Variants in LINGO2 observed in about 807,000 individuals in gnomAD.
LINGO2 encodes the protein leucine-rich repeat and immunoglobulin-like domain-containing nogo receptor-interacting protein 2.
Under a neutral mutation model 30.6 loss-of-function variants are expected in LINGO2, and 14 were observed. The ratio of observed to expected loss-of-function variants is 0.46; its 90% CI spans 0.30 to 0.72. LINGO2 has a LOEUF of 0.72. Ranked by LOEUF, LINGO2 falls within the 30% of genes least tolerant of loss-of-function variation. The pLI is 0.07. For missense variants in LINGO2, 729 were observed against 751.7 expected (o/e 0.97, Z 0.35); for synonymous variants, 317 against 288.5 (o/e 1.10, Z -1.00).
chr9:29,022,155 G>A, the LINGO2 span, among the ~76,000 whole-genome samples: 14 of 152,058 alleles, frequency 9.2e-5, no homozygotes, highest in African/African-American at 3.1e-4. Flanking sequence ...AAACCCTATC[G>A]ATTTTCTCCT....
At chr9:28,644,022 G>A (rs947173469) in intron 1 of LINGO2, among the ~76,000 whole-genome samples, 4 of 151,962 alleles carry the variant, frequency 2.6e-5, no homozygotes, top group African/African-American at 9.7e-5. Context: ...ATATCCAAAA[G>A]ATAGGCAATA....
At chr9:28,787,884 T>G in the LINGO2 span, among the ~76,000 whole-genome samples, 1 of 152,194 alleles carries the variant, frequency 6.6e-6, no homozygotes, top group African/African-American at 2.4e-5. Flanking sequence ...TCATTCTTGA[T>G]TCTTCAACAC....
At chr9:28,443,571 G>A (rs1824285306) in intron 2 of LINGO2, among the ~76,000 whole-genome samples, 1 of 152,226 alleles carries the variant, frequency 6.6e-6, no homozygotes, top group Non-Finnish European at 1.5e-5. Context: ...TCCAGTGGCT[G>A]CTCCAATGTG....
At chr9:28,380,147 GT>G (rs2134623549) in intron 2 of LINGO2, among the ~76,000 whole-genome samples, 1 of 152,134 alleles carries the variant, frequency 6.6e-6, no homozygotes, top group African/African-American at 2.4e-5. Flanking sequence ...TACAGGAAAA[GT>G]TTGACTCCTG....
intron 5 of LINGO2, among the ~76,000 whole-genome samples, chr9:27,992,852 C>A (rs781257283): frequency 2.1e-4 from 32 of 152,090 alleles, no homozygotes; most frequent in Non-Finnish European, 4.0e-4. Flanking sequence ...TCTTACCAAA[C>A]TAATAGGAGA....
chr9:28,441,775 T>A (rs1049884493), intron 2 of LINGO2, among the ~76,000 whole-genome samples: 1 of 152,204 alleles, frequency 6.6e-6, no homozygotes, highest in Non-Finnish European at 1.5e-5. Flanking sequence ...AGTCAATTAT[T>A]CTTCCTTGCA....
chr9:29,087,982 G>A, the LINGO2 span, among the ~76,000 whole-genome samples: 6 of 152,062 alleles, frequency 3.9e-5, no homozygotes, highest in African/African-American at 1.4e-4. Flanking sequence ...AGTACTCAAT[G>A]AATAAAAGAC....
intron 4 of LINGO2, among the ~76,000 whole-genome samples, chr9:28,064,344 C>CTT (rs1384804902): frequency 6.6e-6 from 1 of 152,146 alleles, no homozygotes; most frequent in African/African-American, 2.4e-5. Context: ...AACAGGGCTG[C>CTT]TTATAGCAGG....
chr9:28,556,617 G>A (rs1174994291), intron 1 of LINGO2, among the ~76,000 whole-genome samples: 1 of 151,972 alleles, frequency 6.6e-6, no homozygotes, highest in Non-Finnish European at 1.5e-5. Context: ...AGCTACCAAT[G>A]ACTTTCTTCA....
chr9:28,928,130 C>T, the LINGO2 span, among the ~76,000 whole-genome samples: 1 of 152,196 alleles, frequency 6.6e-6, no homozygotes, highest in South Asian at 2.1e-4. Flanking sequence ...TCACAAGCCA[C>T]AGAATTAGTA....
At chr9:28,898,765 T>G in the LINGO2 span, among the ~76,000 whole-genome samples, 1 of 152,056 alleles carries the variant, frequency 6.6e-6, no homozygotes, top group South Asian at 2.1e-4. Context: ...CACTGGGACC[T>G]ACCAGAGAGT....
chr9:28,929,076 C>T, the LINGO2 span, among the ~76,000 whole-genome samples: 1 of 152,306 alleles, frequency 6.6e-6, no homozygotes, highest in South Asian at 2.1e-4. Context: ...AAATAGCATA[C>T]AAAGCAGGTG....
intron 4 of LINGO2, among the ~76,000 whole-genome samples, chr9:28,089,085 A>G (rs1000063152): frequency 2.6e-5 from 4 of 152,150 alleles, no homozygotes; most frequent in African/African-American, 7.2e-5. Flanking sequence ...GAGACCTACA[A>G]AGAGACTTAG....
At chr9:28,577,593 C>A (rs1257568600) in intron 1 of LINGO2, among the ~76,000 whole-genome samples, 1 of 152,114 alleles carries the variant, frequency 6.6e-6, no homozygotes, top group African/African-American at 2.4e-5. Flanking sequence ...GTATTGAATT[C>A]TTTCTCTATT....
intron 4 of LINGO2, among the ~76,000 whole-genome samples, chr9:28,088,984 G>C (rs142286631): frequency 0.13 from 19,488 of 152,104 alleles, 1,451 homozygotes; most frequent in South Asian, 0.32. Flanking sequence ...TTACATAATG[G>C]TAAAGGGATC....
At chr9:27,979,701 T>A (rs1275019168) in intron 5 of LINGO2, among the ~76,000 whole-genome samples, 1 of 151,962 alleles carries the variant, frequency 6.6e-6, no homozygotes, top group East Asian at 1.9e-4. Flanking sequence ...CCCTGCAATG[T>A]CACTGTAATT....
intron 1 of LINGO2, among the ~76,000 whole-genome samples, chr9:28,658,564 C>G (rs893896067): frequency 3.3e-5 from 5 of 152,008 alleles, no homozygotes; most frequent in South Asian, 2.1e-4. Flanking sequence ...CATGTTTGTT[C>G]TATTTCAACT....
chr9:28,933,046 A>G, the LINGO2 span, among the ~76,000 whole-genome samples: 1 of 152,014 alleles, frequency 6.6e-6, no homozygotes, highest in Admixed American at 6.6e-5. Flanking sequence ...AGCTGGGATT[A>G]CAGACATACA....
At chr9:27,957,631 G>C (rs1016981881) in intron 5 of LINGO2, among the ~76,000 whole-genome samples, 1 of 151,974 alleles carries the variant, frequency 6.6e-6, no homozygotes, top group Non-Finnish European at 1.5e-5. Context: ...CTTGAAATCA[G>C]ATGGTGTTGT....
Sources: gnomAD v4.1 joint callset for allele counts (sites outside exome capture counted in the v4.1 genomes callset) on GRCh38, gnomAD v4.1.1 for gene constraint, MANE v1.5 for transcripts, NCBI Gene and HGNC (gene_info 2026-07-23, HGNC 2026-07-21) for gene names.